The following RYR2 variants were observed in gnomAD, a reference collection of about 807,000 sequenced individuals.
The protein encoded by RYR2 is cardiac muscle ryanodine receptor-calcium release channel.
A neutral mutation model predicts 601.1 loss-of-function variants in RYR2; 227 were observed. The ratio of observed to expected loss-of-function variants is 0.38; its 90% CI spans 0.34 to 0.42. RYR2 has a LOEUF of 0.42. Among genes scored for constraint, RYR2 ranks in the 10% least tolerant of loss-of-function variants. The pLI, the probability that RYR2 is intolerant of heterozygous loss-of-function variation, is 1.00. For synonymous variants in RYR2, 2,223 were observed against 2,175.1 expected, an observed-to-expected ratio of 1.02 and a Z score of -0.61; for missense variants, 4,646 against 6,156.5, an observed-to-expected ratio of 0.75 and a Z score of 8.21.
intron 1 of RYR2, among the ~76,000 whole-genome samples, chr1:237,153,480 A>G (rs1372918515): frequency 6.6e-6 from 1 of 152,130 alleles, no homozygotes; most frequent in Non-Finnish European, 1.5e-5. Context: ...ACTTGGCGAT[A>G]ATATTTCTAT....
At chr1:237,335,887 A>G (rs1346334212) in intron 3 of RYR2, among the ~76,000 whole-genome samples, 2 of 152,202 alleles carry the variant, frequency 1.3e-5, no homozygotes. Flanking sequence ...AAATCTATAA[A>G]ATTCACAATG....
rs112417443 is a variant in RYR2, at chr1:237,389,150, A to G, written c.773+967A>G. ...TAAAACTGCCTCTTTCAGTAGGTTT[A>G]GGAAGAAGATGTCGATGGTGTCAGT... On this transcript the variant is annotated intron_variant, in intron 10 of 104. Coordinates refer to ENST00000366574, the MANE Select transcript of RYR2 (RefSeq NM_001035.3). Among the ~76,000 whole-genome samples the G allele has an allele frequency of 1.1e-3, 165 of 152,316 alleles. 1 individual carries two copies. The highest frequency in any genetic ancestry group is 3.9e-3 in the African/African-American group (161 of 41,576).
intron 71 of RYR2, among the ~76,000 whole-genome samples, chr1:237,714,219 T>G (rs1180151096): frequency 6.6e-6 from 1 of 152,208 alleles, no homozygotes; most frequent in Non-Finnish European, 1.5e-5. Context: ...CAGAATAATG[T>G]GTGTGTTGTG....
intron 88 of RYR2, among the ~76,000 whole-genome samples, chr1:237,780,092 C>G (rs766221175): frequency 1.3e-5 from 2 of 152,098 alleles, no homozygotes; most frequent in Non-Finnish European, 1.5e-5. Flanking sequence ...GGGCTGGGAT[C>G]ATCCTTGACA....
At chr1:237,639,589 G>A (rs1308454905) in intron 46 of RYR2, among the ~76,000 whole-genome samples, 2 of 152,172 alleles carry the variant, frequency 1.3e-5, no homozygotes, top group African/African-American at 4.8e-5. Context: ...TTTCGCAAAT[G>A]AAAGGGGGAC....
At chr1:237,245,588 C>G (rs879644197) in intron 1 of RYR2, among the ~76,000 whole-genome samples, 1 of 151,950 alleles carries the variant, frequency 6.6e-6, no homozygotes, top group Non-Finnish European at 1.5e-5. Flanking sequence ...AGTTGTCAAC[C>G]GTGTATCAAG....
At chr1:237,305,905 T>A (rs1693814690) in intron 2 of RYR2, among the ~76,000 whole-genome samples, 1 of 152,212 alleles carries the variant, frequency 6.6e-6, no homozygotes, top group Non-Finnish European at 1.5e-5. Flanking sequence ...AATATGCATT[T>A]CTTTACATAC....
Position 237,569,384 on chromosome 1 carries a change from T to C in RYR2, c.3598+65T>C, listed in dbSNP as rs192903568. 22 of 1,513,182 alleles carry C rather than the reference T, an allele frequency of 1.5e-5. No individual in the cohort carries two copies. In the Middle Eastern group the frequency reaches 5.1e-4, roughly 35 times the overall value. 93.7% of individuals were successfully genotyped at this position (1,513,182 alleles called of 1,614,324 possible). A position where few individuals can be genotyped will look rare whatever the true frequency, so the allele number is the denominator to read the frequency against. On this transcript the variant is annotated intron_variant, in intron 29 of 104. Coordinates refer to ENST00000366574, the MANE Select transcript of RYR2 (RefSeq NM_001035.3). ...CACAAGGAAGCTTTCATCCTGAGGC[T>C]TCCTAACCGGGCGTTTCTGTTTCAG...
intron 29 of RYR2, among the ~76,000 whole-genome samples, chr1:237,574,727 A>T (rs573528240): frequency 5.9e-5 from 9 of 152,148 alleles, no homozygotes; most frequent in Non-Finnish European, 1.3e-4. Flanking sequence ...ATAGCTGGCA[A>T]AAAAACAAAC....
At chr1:237,741,652 A>G (rs1691617919) in intron 79 of RYR2, among the ~76,000 whole-genome samples, 1 of 152,050 alleles carries the variant, frequency 6.6e-6, no homozygotes, top group South Asian at 2.1e-4. Flanking sequence ...CCCAGGCTGG[A>G]ATGCAATGGC....
At chr1:237,349,923 C>G (rs562842798) in intron 3 of RYR2, among the ~76,000 whole-genome samples, 1 of 152,082 alleles carries the variant, frequency 6.6e-6, no homozygotes, top group East Asian at 1.9e-4. Context: ...AGCTGTGTAA[C>G]TATACCAAAA....
chr1:237,515,113 A>G (rs1397183664), intron 24 of RYR2, among the ~76,000 whole-genome samples: 1 of 152,148 alleles, frequency 6.6e-6, no homozygotes, highest in Admixed American at 6.5e-5. Context: ...TTCCATCGTC[A>G]TCTGTGTATC....
In RYR2 at chr1:237,784,904, C is replaced by G; in HGVS notation, c.13192C>G (p.Pro4398Ala). The G allele has an allele frequency of 6.2e-7, 1 of 1,611,672 alleles. No individual in the cohort carries two copies. Reference protein sequence around the residue: ...GGQYKLIPHNPNAGLSDLMSN... With the variant: ...GGQYKLIPHNANAGLSDLMSN... ...ACAGTACAAACTGATTCCTCATAAT[C>G]CAAATGCTGGGCTCAGTGACCTCAT... Residue 4398 changes from proline (P) to alanine (A), a missense_variant, in exon 90 of 105, where the codon CCA (proline) becomes GCA (alanine). Pro to Ala is a conservative substitution (Grantham distance 27). Around this residue, in one of 17 missense-constraint regions of RYR2, gnomAD observed 364 missense variants for 442.9 expected, o/e 0.82. Transcript: ENST00000366574. This position sits in a 1 kb window ranked among gnomAD's most constrained non-coding sequence, Gnocchi z 7.1.
Position 237,783,851 on chromosome 1 carries a change from G to GA in RYR2, c.12140dup (p.Asp4047GlufsTer10), listed in dbSNP as rs1695326501. The GA allele has an allele frequency of 6.2e-7, 1 of 1,613,704 alleles. No homozygotes were observed. The highest frequency in any genetic ancestry group is 1.3e-5 in the African/African-American group (1 of 74,912). The stretch of plus-strand genomic sequence containing the variant: ...TGGCAAGGGAGTCATTTCCAAGAGG[G>GA]ACTTCCACAAAGCGATGGAGAGCCA... On this transcript the variant is annotated frameshift_variant, in exon 90 of 105. Coordinates refer to ENST00000366574, the MANE Select transcript of RYR2 (RefSeq NM_001035.3). LOFTEE classifies it high-confidence loss of function.
intron 2 of RYR2, among the ~76,000 whole-genome samples, chr1:237,297,043 C>A (rs575104784): frequency 6.6e-6 from 1 of 152,070 alleles, no homozygotes; most frequent in South Asian, 2.1e-4. Flanking sequence ...AAAATAAAAT[C>A]ACAATTTTGG....
chr1:237,476,509 CAAAAAAAAAAAAAAAAAAAAAA>C (rs56116691), intron 17 of RYR2, among the ~76,000 whole-genome samples: 1 of 70,192 alleles, frequency 1.4e-5, no homozygotes, highest in Admixed American at 2.0e-4. Flanking sequence ...GACTCTGTCT[CAAAAAAAAAAAAAAAAAAAAAA>C]AAAAAAAAAA....
chr1:237,657,332 A>T (rs1035698515), intron 53 of RYR2, among the ~76,000 whole-genome samples: 1 of 152,026 alleles, frequency 6.6e-6, no homozygotes, highest in Non-Finnish European at 1.5e-5. Context: ...AATGAATAGA[A>T]TTATGTATGT....
Position 237,623,886 on chromosome 1 carries a change from T to G in RYR2, c.6022+16T>G, listed in dbSNP as rs1162477264. The G allele has an allele frequency of 6.7e-7, 1 of 1,483,596 alleles. No individual in the cohort carries two copies. Among genetic ancestry groups the G allele is most frequent in the African/African-American group, 1.4e-5 (1 of 71,838 alleles). The allele number at this position is 1,483,596 out of a possible 1,614,324, so 91.9% of individuals were successfully genotyped here. ...ACACATTGTGGTAAGGTCTTTTTGA[T>G]TAAAAGCTTTTATTAATTGTATGTT... On this transcript the variant is annotated intron_variant, in intron 39 of 104. Coordinates refer to ENST00000366574, the MANE Select transcript of RYR2 (RefSeq NM_001035.3).
chr1:237,734,453 C>A (rs564982658), intron 79 of RYR2, among the ~76,000 whole-genome samples: 3 of 152,054 alleles, frequency 2.0e-5, no homozygotes. Flanking sequence ...GATTACAATT[C>A]GATATAAGAT....
Sources: allele counts gnomAD v4.1 joint callset (sites outside exome capture counted in the v4.1 genomes callset), GRCh38; gene constraint gnomAD v4.1.1; regional missense constraint gnomAD v4.1.1; non-coding constraint Gnocchi (gnomAD v3.1); transcripts MANE v1.5; gene names NCBI Gene and HGNC (gene_info 2026-07-23, HGNC 2026-07-21).